PCYOX1L: variants seen among roughly 807,000 people sequenced by gnomAD.
PCYOX1L encodes the protein prenylcysteine oxidase 1-like.
Under a neutral mutation model 44.1 loss-of-function variants are expected in PCYOX1L, and 40 were observed. The ratio of observed to expected loss-of-function variants is 0.91; its 90% confidence interval spans 0.70 to 1.18. PCYOX1L has a LOEUF of 1.18. Ranked by LOEUF, PCYOX1L falls within the 50% of genes most tolerant of loss-of-function variation. PCYOX1L has a pLI of 0.00. For synonymous variants in PCYOX1L, 266 were observed against 282.8 expected, an observed-to-expected ratio of 0.94 and a Z score of 0.60; for missense variants, 605 against 653.3, an observed-to-expected ratio of 0.93 and a Z score of 0.81.
chr5:149,359,619 A>G (rs1757952908), intron 1 of PCYOX1L, among the ~76,000 whole-genome samples: 1 of 152,154 alleles, frequency 6.6e-6, no homozygotes, highest in Non-Finnish European at 1.5e-5. Context: ...AGGACAGGAC[A>G]TTTCTCACCA....
chr5:149,359,479 G>A (rs1056166017), intron 1 of PCYOX1L, among the ~76,000 whole-genome samples: 1 of 152,248 alleles, frequency 6.6e-6, no homozygotes, highest in African/African-American at 2.4e-5. Context: ...GAGTTAGGCA[G>A]GCAGTATCCA....
At chr5:149,361,696 T>C (rs185461053) in intron 1 of PCYOX1L, among the ~76,000 whole-genome samples, 67 of 152,324 alleles carry the variant, frequency 4.4e-4, no homozygotes, top group Non-Finnish European at 8.1e-4. Flanking sequence ...TGGCACGATC[T>C]CAGCTCACCA....
rs2127614528 is a variant in PCYOX1L at position 149,367,506 on chromosome 5, T to C, written c.823+6T>C. 1 of 1,612,008 alleles carries C rather than the reference T, an allele frequency of 6.2e-7. No individual in the cohort carries two copies. On this transcript the variant is annotated splice_donor_region_variant and intron_variant, in intron 5 of 5. Coordinates refer to ENST00000274569, the MANE Select transcript of PCYOX1L (RefSeq NM_024028.4). ...TGTGACCCTGCACAGCACAGGTGAG[T>C]AGACAGGGCGGGAGTGGGCAGGCAT...
chr5:149,359,061 C>CT (rs993814943), intron 1 of PCYOX1L, among the ~76,000 whole-genome samples: 45 of 149,896 alleles, frequency 3.0e-4, no homozygotes, highest in African/African-American at 7.3e-4. Flanking sequence ...TTTACAGTTG[C>CT]TTTTTTTTTT....
chr5:149,368,654 A>T lies in PCYOX1L; in HGVS notation c.1485A>T (p.Ter495CysextTer3). Reference sequence around the variant, plus strand: ...TGCACAAGGTCAAGACTGAACTGTGAGGGCTCTAGGGAGAGCCTGGGAACT... The same window carrying T: ...TGCACAAGGTCAAGACTGAACTGTGTGGGCTCTAGGGAGAGCCTGGGAACT... ...DLMHKVKTEL[*>C] The change falls in exon 6 of 6, where the codon TGA (stop) becomes TGT (cysteine). Residue 495 changes from the stop codon to cysteine (C), a stop_lost. Coordinates refer to ENST00000274569, the MANE Select transcript of PCYOX1L (RefSeq NM_024028.4). 1.3e-6 allele frequency: 2 copies of T among 1,504,618 alleles called. No homozygotes were observed. Among genetic ancestry groups the T allele is most frequent in the Non-Finnish European group, 1.8e-6 (2 of 1,133,630 alleles). 93.2% of individuals were successfully genotyped at this position (1,504,618 alleles called of 1,614,324 possible).
chr5:149,360,706 G>T (rs1659105), intron 1 of PCYOX1L, among the ~76,000 whole-genome samples: 17,397 of 152,256 alleles, frequency 0.11, 1,351 homozygotes, highest in Non-Finnish European at 0.17. Context: ...GAGACACAGG[G>T]TGATGGCACT....
Position 149,369,620 on chromosome 5 carries a change from G to T in PCYOX1L, c.*966G>T, listed in dbSNP as rs1270402105. The stretch of plus-strand genomic sequence containing the variant: ...TTCTACAAACCCTTAAAAATCACTT[G>T]TTTTAAAAAGAAAGTAAAAGCCCTT... On this transcript the variant is annotated 3_prime_UTR_variant, in exon 6 of 6. Transcript: ENST00000274569. 1 of 152,102 alleles carries T rather than the reference G, an allele frequency of 6.6e-6. No homozygotes were observed. Among genetic ancestry groups the T allele is most frequent in the African/African-American group, 2.4e-5 (1 of 41,404 alleles). 9.4% of individuals were successfully genotyped at this position (152,102 alleles called of 1,614,324 possible).
chr5:149,369,267 A>T lies in PCYOX1L; in HGVS notation c.*613A>T, dbSNP rs1271925503. On this transcript the variant is annotated 3_prime_UTR_variant, in exon 6 of 6. Coordinates refer to ENST00000274569, the MANE Select transcript of PCYOX1L (RefSeq NM_024028.4). ...GACTGTGGTAGGACCCAAGGAAGAG[A>T]TGTGTGCCTGAATAGTCGTCACCAT... 6.6e-6 allele frequency: 1 copy of T among 152,166 alleles called. No individual in the cohort carries two copies. Among genetic ancestry groups the T allele is most frequent in the East Asian group, 1.9e-4 (1 of 5,194 alleles). 9.4% of individuals were successfully genotyped at this position (152,166 alleles called of 1,614,324 possible).
At chr5:149,360,143 AT>A (rs1287762578) in intron 1 of PCYOX1L, among the ~76,000 whole-genome samples, 30 of 152,276 alleles carry the variant, frequency 2.0e-4, no homozygotes, top group African/African-American at 7.0e-4. Flanking sequence ...GCACTTCATC[AT>A]GGGTTGTCGT....
At position 149,368,532 on chromosome 5, in the gene PCYOX1L, T is replaced by C; in HGVS notation, c.1363T>C (p.Ser455Pro). The C allele has an allele frequency of 3.1e-6, 5 of 1,608,774 alleles. No individual in the cohort carries two copies. The highest frequency in any genetic ancestry group is 4.2e-6 in the Non-Finnish European group (5 of 1,177,658). The change falls in exon 6 of 6, where the codon TCC becomes CCC. Residue 455 changes from serine (S) to proline (P), a missense_variant. Transcript: ENST00000274569. ...YLNALEWAAS[S>P]VEVMAVAAKN... ...CAATGCCCTGGAGTGGGCGGCCAGC[T>C]CCGTGGAGGTGATGGCCGTGGCTGC...
intron 1 of PCYOX1L, among the ~76,000 whole-genome samples, chr5:149,360,665 T>C (rs1279124147): frequency 6.6e-6 from 1 of 152,140 alleles, no homozygotes; most frequent in South Asian, 2.1e-4. Flanking sequence ...AGCCAAGTTA[T>C]AGGTGACATC....
intron 2 of PCYOX1L, 74 bp downstream of exon 2, chr5:149,362,917 T>C (rs1303856804): frequency 6.6e-7 from 1 of 1,506,490 alleles, no homozygotes; most frequent in Admixed American, 1.7e-5. Context: ...TTCTCAGACT[T>C]CCCAGACCAT....
rs145533821 is a variant in PCYOX1L, at chr5:149,366,101, T to C, written c.630T>C (p.Ser210=). 1.9e-4 allele frequency: 305 copies of C among 1,614,058 alleles called. 1 individual carries two copies. The African/African-American group carries it at 3.5e-3, about 19-fold the overall frequency. ...VTQRFIDDVV[S]AVLRASYGQS... is the part of the protein sequence containing the mutation. ...AGCGCTTTATTGATGATGTCGTTTC[T>C]GCTGTCCTGCGGGCCAGCTATGGCC... Residue 210 remains serine, a synonymous_variant, in exon 4 of 6, where the codon TCT becomes TCC. Coordinates refer to ENST00000274569, the MANE Select transcript of PCYOX1L (RefSeq NM_024028.4).
chr5:149,358,335 G>A (rs1322487110), intron 1 of PCYOX1L, among the ~76,000 whole-genome samples, 179 bp downstream of exon 1: 15 of 152,230 alleles, frequency 9.9e-5, no homozygotes, highest in Admixed American at 7.2e-4. Context: ...GATGGGGCCG[G>A]GGCATGGCAT....
Position 149,367,007 on chromosome 5 carries a change from G to GA in PCYOX1L, c.683-350dup, listed in dbSNP as rs1224453596. On this transcript the variant is annotated intron_variant, in intron 4 of 5. Coordinates refer to ENST00000274569, the MANE Select transcript of PCYOX1L (RefSeq NM_024028.4). Reference sequence around the variant, plus strand: ...TAGGACATTTTTATCACCCCAGAAAGAAACCCCCTTGCCCTTTAGCCCTCA... The same window carrying GA: ...TAGGACATTTTTATCACCCCAGAAAGAAAACCCCCTTGCCCTTTAGCCCTCA... 3.3e-5 allele frequency among the ~76,000 whole-genome samples: 5 copies of GA among 152,116 alleles called. 1 individual carries two copies. Among genetic ancestry groups the GA allele is most frequent in the South Asian group, 2.1e-4 (1 of 4,826 alleles).
At chr5:149,363,209 A>G (rs1010506834) in intron 2 of PCYOX1L, 1 of 386,598 alleles carries the variant, frequency 2.6e-6, no homozygotes, top group Admixed American at 3.3e-5. Flanking sequence ...TGAGTGTTAT[A>G]TCTCCTCTTA....
Position 149,358,063 on chromosome 5 carries a change from C to A in PCYOX1L, c.-6C>A. 1 of 1,340,180 alleles carries A rather than the reference C, an allele frequency of 7.5e-7. No homozygotes were observed. Among genetic ancestry groups the A allele is most frequent in the South Asian group, 1.9e-5 (1 of 52,466 alleles). 83.0% of individuals were successfully genotyped at this position (1,340,180 alleles called of 1,614,324 possible). ...AATCCGGCGTGCTGCCCGCTCGCCG[C>A]CCGCCATGGCCCGCGCAGCCCCGCT... On this transcript the variant is annotated 5_prime_UTR_variant, in exon 1 of 6. Coordinates refer to ENST00000274569, the MANE Select transcript of PCYOX1L (RefSeq NM_024028.4).
At chr5:149,365,738 A>G in intron 3 of PCYOX1L, 3 of 601,234 alleles carry the variant, frequency 5.0e-6, no homozygotes, top group Non-Finnish European at 8.9e-6. Context: ...GAAGGATTCC[A>G]TACCTTCACA....
At position 149,367,301 on chromosome 5, in the gene PCYOX1L, C is replaced by A. The variant is rs1758244581; in HGVS notation, c.683-59C>A. On this transcript the variant is annotated intron_variant, in intron 4 of 5. Transcript: ENST00000274569. ...CCCAGTCGAATAGTACTGGACTCCC[C>A]AGCCCTCCTGCCCCACGGCCCTGAC... The A allele has an allele frequency of 2.5e-5, 39 of 1,562,692 alleles. 1 individual carries two copies. The South Asian group carries it at 4.7e-4, about 19-fold the overall frequency.
Sources: gnomAD v4.1 joint callset for allele counts (sites outside exome capture counted in the v4.1 genomes callset) on GRCh38, gnomAD v4.1.1 for gene constraint, MANE v1.5 for transcripts, NCBI Gene and HGNC (gene_info 2026-07-23, HGNC 2026-07-21) for gene names.